Variants in ZNF662 observed in about 807,000 individuals in gnomAD.
ZNF662 encodes zinc finger protein 662.
In ZNF662, 14 loss-of-function variants were observed where a neutral mutation model predicts 12.4. The observed-to-expected ratio is 1.13, with a 90% CI of 0.75 to 1.77. The LOEUF (loss-of-function observed/expected upper bound fraction) is 1.77, where lower values mean the gene tolerates loss of function less well. Ranked by LOEUF, ZNF662 falls within the 40% of genes most tolerant of loss-of-function variation. ZNF662 has a pLI of 0.00. For missense variants in ZNF662, 550 were observed against 515.6 expected (o/e 1.07, Z -0.65); for synonymous variants, 184 against 176.4 (o/e 1.04, Z -0.34).
At position 42,915,027 on chromosome 3, in the gene ZNF662, C is replaced by A. The variant is rs78778433; in HGVS notation, c.954C>A (p.Ala318=). Residue 318 remains alanine (A), a synonymous_variant, in exon 5 of 5, where the codon GCC becomes GCA. Coordinates refer to ENST00000440367, the MANE Select transcript of ZNF662 (RefSeq NM_207404.4). Reference sequence around the variant, plus strand: ...GGAAAAGCTTTACTCGAAACCCAGCCCTTCTTCGACATCAGAGAATGCACA... The same window carrying A: ...GGAAAAGCTTTACTCGAAACCCAGCACTTCTTCGACATCAGAGAATGCACA... ...ECGKSFTRNP[A]LLRHQRMHTG... is the part of the protein sequence containing the mutation. The A allele has an allele frequency of 1.8e-3, 2,825 of 1,614,082 alleles. 91 individuals are homozygous for A. The East Asian group carries it at 0.053, about 30-fold the overall frequency.
At chr3:42,913,935 C>T (rs1015944653) in intron 4 of ZNF662, among the ~76,000 whole-genome samples, 5 of 151,972 alleles carry the variant, frequency 3.3e-5, no homozygotes, top group African/African-American at 1.2e-4. Context: ...AGCCCAGGTT[C>T]TCAGGTATAC....
chr3:42,912,642 A>ATATATATATAAATATATATATATTTTT (rs1453464019), intron 3 of ZNF662, among the ~76,000 whole-genome samples: 7,797 of 58,870 alleles, frequency 0.13, 1,095 homozygotes, highest in Non-Finnish European at 0.15. Flanking sequence ...TATATATTTT[A>ATATATATATAAATATATATATATTTTT]TATATATATA....
Position 42,917,427 on chromosome 3 carries a change from A to G in ZNF662, c.*2073A>G, listed in dbSNP as rs1169713351. The G allele has an allele frequency of 5.9e-6, 4 of 677,242 alleles. No individual in the cohort carries two copies. The South Asian group carries it at 6.4e-5, about 11-fold the overall frequency. The allele number at this position is 677,242 out of a possible 1,614,324, so 42.0% of individuals were successfully genotyped here. ...AAAATGTGAGACCTAGAATTATAGC[A>G]ACTTTTTTTTTCTGTTAAAAGGGGA... On this transcript the variant is annotated 3_prime_UTR_variant, in exon 5 of 5. Transcript: ENST00000440367.
rs762228693 is a variant in ZNF662, at chr3:42,914,784, A to T, written c.711A>T (p.Ala237=). ...KAFSFRSHCI[A]HQRIHSGVKP... The stretch of plus-strand genomic sequence containing the variant: ...TCAGTTTTCGATCACATTGCATTGC[A>T]CATCAGAGAATTCACAGTGGGGTGA... The change falls in exon 5 of 5, where the codon GCA becomes GCT. Residue 237 remains alanine (A), a synonymous_variant. Coordinates refer to ENST00000440367, the MANE Select transcript of ZNF662 (RefSeq NM_207404.4). 9 of 1,613,812 alleles carry T rather than the reference A, an allele frequency of 5.6e-6. No individual in the cohort carries two copies. Among genetic ancestry groups the T allele is most frequent in the Admixed American group, 1.7e-5 (1 of 59,986 alleles).
intron 3 of ZNF662, among the ~76,000 whole-genome samples, chr3:42,912,667 T>TA (rs1491154427): frequency 1.0e-4 from 3 of 28,604 alleles, no homozygotes; most frequent in East Asian, 2.2e-3. Context: ...TATATATATA[T>TA]TTTTTATATA....
chr3:42,908,328 C>G, intron 2 of ZNF662, 180 bp downstream of exon 2: 5 of 1,393,630 alleles, frequency 3.6e-6, no homozygotes, highest in South Asian at 3.8e-5. Context: ...TCAGTTTGGG[C>G]CTTATACAGG....
rs1021703905 is a variant in ZNF662, at chr3:42,906,962, G to A, written c.-94+794G>A. The stretch of plus-strand genomic sequence containing the variant: ...AATTGTCTGTAGTGCAGAGGAATGT[G>A]GACTCTATTAGGCAGACAAAGTTGA... On this transcript the variant is annotated intron_variant, in intron 1 of 4. Coordinates refer to ENST00000440367, the MANE Select transcript of ZNF662 (RefSeq NM_207404.4). This position sits in a 1 kb window ranked among gnomAD's most constrained non-coding sequence, Gnocchi z 4.4. Among the ~76,000 whole-genome samples the A allele has an allele frequency of 2.6e-5, 4 of 152,154 alleles. No individual in the cohort carries two copies. The highest frequency in any genetic ancestry group is 9.7e-5 in the African/African-American group (4 of 41,430).
At chr3:42,908,728 G>A (rs199991150) in intron 2 of ZNF662, 65 bp from the exon 3 acceptor site, 3 of 1,557,520 alleles carry the variant, frequency 1.9e-6, no homozygotes, top group African/African-American at 1.4e-5. Context: ...ACTGGCCTGG[G>A]AGGAGCCTTG....
chr3:42,915,708 A>G lies in ZNF662; in HGVS notation c.*354A>G, dbSNP rs2088890403. 5.2e-6 allele frequency: 1 copy of G among 192,726 alleles called. No homozygotes were observed. The highest frequency in any genetic ancestry group is 2.3e-5 in the African/African-American group (1 of 42,710). 11.9% of individuals were successfully genotyped at this position (192,726 alleles called of 1,614,324 possible). On this transcript the variant is annotated 3_prime_UTR_variant, in exon 5 of 5. Coordinates refer to ENST00000440367, the MANE Select transcript of ZNF662 (RefSeq NM_207404.4). ...TTCAGGGTTGCTCAGTTAGTAAGTTATAGAGTTGAAATTGGAGCCAGGCCT... is the reference window on the plus strand; with the variant it reads ...TTCAGGGTTGCTCAGTTAGTAAGTTGTAGAGTTGAAATTGGAGCCAGGCCT...
At position 42,915,335 on chromosome 3, in the gene ZNF662, C is replaced by T. The variant is rs760713233; in HGVS notation, c.1262C>T (p.Ser421Phe). The change falls in exon 5 of 5, where the codon TCT (serine) becomes TTT (phenylalanine). Residue 421 changes from serine to phenylalanine, a missense_variant. Transcript: ENST00000440367. ...ARDKPYNCQI[S>F]HLLEH ...GACAAACCCTATAACTGTCAGATCTCTCACCTTCTTGAACATTAGAGAGTG... is the reference window on the plus strand; with the variant it reads ...GACAAACCCTATAACTGTCAGATCTTTCACCTTCTTGAACATTAGAGAGTG... 4 of 1,578,406 alleles carry T rather than the reference C, an allele frequency of 2.5e-6. No homozygotes were observed. The highest frequency in any genetic ancestry group is 2.4e-5 in the South Asian group (2 of 84,018).
At chr3:42,908,550 C>T (rs2088717206) in intron 2 of ZNF662, 1 of 1,328,350 alleles carries the variant, frequency 7.5e-7, no homozygotes, top group Admixed American at 3.3e-5. Flanking sequence ...GGACTCAATT[C>T]CTCAATGAGT....
chr3:42,917,147 A>T lies in ZNF662; in HGVS notation c.*1793A>T, dbSNP rs1559383610. 1 of 265,382 alleles carries T rather than the reference A, an allele frequency of 3.8e-6. No homozygotes were observed. The highest frequency in any genetic ancestry group is 7.0e-6 in the Non-Finnish European group (1 of 143,422). The allele number at this position is 265,382 out of a possible 1,614,324, so 16.4% of individuals were successfully genotyped here. A position where few individuals can be genotyped will look rare whatever the true frequency, so the allele number is the denominator to read the frequency against. On this transcript the variant is annotated 3_prime_UTR_variant, in exon 5 of 5. Transcript: ENST00000440367. ...TGGTCATCTTTTATTGGTTTCCATC[A>T]TCTCTTCCCCTTCTCTCTGGGAACA...
chr3:42,913,460 T>C (rs1248532449), intron 4 of ZNF662, among the ~76,000 whole-genome samples, 158 bp downstream of exon 4: 1 of 152,212 alleles, frequency 6.6e-6, no homozygotes, highest in African/African-American at 2.4e-5. Flanking sequence ...ACCCTAAGCT[T>C]CCAACTTTCA....
chr3:42,906,215 C>A lies in ZNF662; in HGVS notation c.-94+47C>A. On this transcript the variant is annotated intron_variant, in intron 1 of 4. Coordinates refer to ENST00000440367, the MANE Select transcript of ZNF662 (RefSeq NM_207404.4). The surrounding 1 kb of genome is among the most constrained non-coding windows in gnomAD (Gnocchi z 4.4). The stretch of plus-strand genomic sequence containing the variant: ...GCGTGGGGCGGGCAGGGAGTGGAGT[C>A]GGGGTCTTACTCCGGTGGCTGCAGG... 1.4e-6 allele frequency: 1 copy of A among 711,390 alleles called. No homozygotes were observed. The highest frequency in any genetic ancestry group is 2.2e-6 in the Non-Finnish European group (1 of 456,378). The allele number at this position is 711,390 out of a possible 1,614,324, so 44.1% of individuals were successfully genotyped here. A position where few individuals can be genotyped will look rare whatever the true frequency, so the allele number is the denominator to read the frequency against.
chr3:42,911,563 C>T (rs993765336), intron 3 of ZNF662, among the ~76,000 whole-genome samples: 1 of 152,188 alleles, frequency 6.6e-6, no homozygotes, highest in African/African-American at 2.4e-5. Flanking sequence ...ACATACATGT[C>T]CCTACTCAAA....
intron 1 of ZNF662, among the ~76,000 whole-genome samples, chr3:42,907,137 G>A (rs992008529): frequency 1.3e-5 from 2 of 152,218 alleles, no homozygotes; most frequent in Non-Finnish European, 2.9e-5. Context: ...AGAATTACGG[G>A]AAGTCCCAAC....
rs2088887506 is a variant in ZNF662 at position 42,915,367 on chromosome 3, G to A, written c.*13G>A. ...TCTTGAACATTAGAGAGTGCATAAT[G>A]GTGATACTTGTTTATAATTCTTATG... On this transcript the variant is annotated 3_prime_UTR_variant, in exon 5 of 5. Transcript: ENST00000440367. The A allele has an allele frequency of 2.6e-6, 4 of 1,528,104 alleles. No individual in the cohort carries two copies. The highest frequency in any genetic ancestry group is 3.5e-6 in the Non-Finnish European group (4 of 1,141,270). The allele number at this position is 1,528,104 out of a possible 1,614,324, so 94.7% of individuals were successfully genotyped here. A position where few individuals can be genotyped will look rare whatever the true frequency, so the allele number is the denominator to read the frequency against.
chr3:42,914,677 G>T lies in ZNF662; in HGVS notation c.604G>T (p.Asp202Tyr), dbSNP rs558210440. The change falls in exon 5 of 5, where the codon GAT becomes TAT. Residue 202 changes from aspartate (D) to tyrosine (Y), a missense_variant. Transcript: ENST00000440367. ...ATGTGAGGAATGCGGCAAGTGTTTT[G>T]ATCAAAATGAGGACTTTGATCAACA... ...YICEECGKCF[D>Y]QNEDFDQHQK... is the part of the protein sequence containing the mutation. 4 of 1,614,122 alleles carry T rather than the reference G, an allele frequency of 2.5e-6. No homozygotes were observed. In the African/African-American group the frequency reaches 4.0e-5, roughly 16 times the overall value.
At position 42,914,551 on chromosome 3, in the gene ZNF662, A is replaced by C; in HGVS notation, c.478A>C (p.Lys160Gln). Residue 160 changes from lysine (K) to glutamine (Q), a missense_variant, in exon 5 of 5, where the codon AAG becomes CAG. Transcript: ENST00000440367. ...STNDIIEVIVKDEMISVEESS... is the reference protein window; with the variant it reads ...STNDIIEVIVQDEMISVEESS... ...AAATGATATTATAGAAGTGATTGTC[A>C]AGGATGAGATGATCTCAGTAGAAGA... The C allele has an allele frequency of 6.2e-7, 1 of 1,614,176 alleles. No homozygotes were observed. Among genetic ancestry groups the C allele is most frequent in the Non-Finnish European group, 8.5e-7 (1 of 1,180,040 alleles).
Sources: allele counts gnomAD v4.1 joint callset (sites outside exome capture counted in the v4.1 genomes callset), GRCh38; gene constraint gnomAD v4.1.1; non-coding constraint Gnocchi (gnomAD v3.1); transcripts MANE v1.5; gene names NCBI Gene and HGNC (gene_info 2026-07-23, HGNC 2026-07-21).